The following SLC9B1 variants were observed in gnomAD, a reference collection of about 807,000 sequenced individuals.
SLC9B1 encodes the protein sodium/hydrogen exchanger 9B1.
A neutral mutation model predicts 51.7 loss-of-function variants in SLC9B1; 32 were observed. The ratio of observed to expected loss-of-function variants is 0.62; its 90% CI spans 0.47 to 0.83. The LOEUF (loss-of-function observed/expected upper bound fraction) is 0.83, where lower values mean the gene tolerates loss of function less well. SLC9B1 is among the 40% of genes least tolerant of loss of function. The pLI is 0.00. For synonymous variants in SLC9B1, 145 were observed against 212.7 expected (o/e 0.68, Z 2.77); for missense variants, 406 against 613.2 (o/e 0.66, Z 3.57).
intron 6 of SLC9B1, 87 bp downstream of exon 6, chr4:102,945,106 T>C: frequency 1.5e-6 from 2 of 1,303,184 alleles, no homozygotes; most frequent in South Asian, 2.4e-5. Flanking sequence ...ATAGAGCTTT[T>C]CTATACAACA....
At chr4:102,988,215 A>C (rs937167717) in intron 3 of SLC9B1, among the ~76,000 whole-genome samples, 4 of 152,160 alleles carry the variant, frequency 2.6e-5, no homozygotes, top group Non-Finnish European at 5.9e-5. Flanking sequence ...GAAAAGAAAC[A>C]AAAAGGAATA....
chr4:102,965,653 T>C (rs200326916), intron 3 of SLC9B1, among the ~76,000 whole-genome samples: 1 of 152,118 alleles, frequency 6.6e-6, no homozygotes, highest in African/African-American at 2.4e-5. Context: ...TCTTACACTA[T>C]AAAATGTAAT....
intron 3 of SLC9B1, among the ~76,000 whole-genome samples, chr4:102,955,843 G>GAGAAAGAA (rs56088004): frequency 0.023 from 2,482 of 106,774 alleles, 44 homozygotes; most frequent in Non-Finnish European, 0.033. Flanking sequence ...GAAAGAGAGA[G>GAGAAAGAA]AGAAAGAAAG....
At chr4:103,018,220 A>G (rs1242919200) in intron 1 of SLC9B1, among the ~76,000 whole-genome samples, 3 of 152,198 alleles carry the variant, frequency 2.0e-5, no homozygotes, top group Non-Finnish European at 2.9e-5. Flanking sequence ...TGTTACAACT[A>G]TAGCACCCAC....
At chr4:102,898,748 G>C (rs1734653938), downstream of SLC9B1, among the ~76,000 whole-genome samples, 3 of 152,182 alleles carry the variant, frequency 2.0e-5, no homozygotes, top group Admixed American at 2.0e-4. Context: ...ATTTTTTTGA[G>C]ACGGAGTCTC....
chr4:103,001,805 A>G (rs957427009), intron 1 of SLC9B1, among the ~76,000 whole-genome samples: 2 of 152,202 alleles, frequency 1.3e-5, no homozygotes, highest in Admixed American at 6.5e-5. Flanking sequence ...CACTCTTCAC[A>G]GTACCAATTT....
rs556674895 is a variant in SLC9B1, at chr4:103,006,618, G to C, written c.-2+12981C>G. Among the ~76,000 whole-genome samples the C allele has an allele frequency of 7.2e-5, 11 of 152,188 alleles. No homozygotes were observed. The South Asian group carries it at 2.3e-3, about 32-fold the overall frequency. ...GAAAATATTCCAAAAAATTGAAGAG[G>C]AAGAACTCCCCAAGTCATTCTATGA... On this transcript the variant is annotated intron_variant, in intron 1 of 11. Transcript: ENST00000296422.
At chr4:103,016,110 GACA>G (rs1484776162) in intron 1 of SLC9B1, among the ~76,000 whole-genome samples, 7 of 102,278 alleles carry the variant, frequency 6.8e-5, no homozygotes, top group Non-Finnish European at 3.6e-5. Context: ...CTGTAGCCTG[GACA>G]ACAAGAGCCA....
intron 3 of SLC9B1, among the ~76,000 whole-genome samples, chr4:102,983,311 T>C (rs1156757261): frequency 1.3e-5 from 2 of 152,196 alleles, no homozygotes; most frequent in African/African-American, 4.8e-5. Context: ...TTGTTAAGAA[T>C]TTTTGCATCT....
chr4:102,952,796 C>T (rs1272898007), intron 3 of SLC9B1, among the ~76,000 whole-genome samples: 98 of 66,564 alleles, frequency 1.5e-3, no homozygotes, highest in African/African-American at 6.7e-3. Context: ...TCATGTCCTT[C>T]GCCCACTTTT....
At chr4:102,942,126 G>A (rs369537002) in intron 6 of SLC9B1, among the ~76,000 whole-genome samples, 12 of 151,870 alleles carry the variant, frequency 7.9e-5, no homozygotes, top group Non-Finnish European at 1.5e-4. Context: ...CCAAGCAAAC[G>A]AACTTAGGAA....
In SLC9B1 at chr4:103,003,800, C is replaced by G. The variant is rs534009204; in HGVS notation, c.-1-12088G>C. 6.6e-5 allele frequency among the ~76,000 whole-genome samples: 10 copies of G among 152,250 alleles called. No individual in the cohort carries two copies. The East Asian group carries it at 1.9e-3, about 29-fold the overall frequency. ...GAGCTAGGGGCCTGGTTTCAGCCCC[C>G]CAGAGCTACAGCACACAGCTGAGGA... On this transcript the variant is annotated intron_variant, in intron 1 of 11. Transcript: ENST00000296422.
intron 11 of SLC9B1, 74 bp from the exon 12 acceptor site, chr4:102,901,406 T>C: frequency 6.4e-7 from 1 of 1,561,346 alleles, no homozygotes; most frequent in Non-Finnish European, 8.8e-7. Context: ...AATGGCTCTG[T>C]TAAAATAAAC....
chr4:103,004,599 A>G (rs1740688370), intron 1 of SLC9B1, among the ~76,000 whole-genome samples: 1 of 152,190 alleles, frequency 6.6e-6, no homozygotes, highest in Non-Finnish European at 1.5e-5. Context: ...GTGAGATACT[A>G]TACACAATGA....
At position 102,935,722 on chromosome 4, in the gene SLC9B1, T is replaced by C. The variant is rs1052833805; in HGVS notation, c.654-3423A>G. Among the ~76,000 whole-genome samples, 12 of 149,204 alleles carry C rather than the reference T, an allele frequency of 8.0e-5. No individual in the cohort carries two copies. In the South Asian group the frequency reaches 8.5e-4, roughly 11 times the overall value. ...ATGCACAAAATAATACTCTTTTTTT[T>C]CTCTGGGTTCACAAATACACTTGTT... On this transcript the variant is annotated intron_variant, in intron 6 of 11. Transcript: ENST00000296422.
chr4:102,922,082 C>G (rs7687707), intron 7 of SLC9B1, among the ~76,000 whole-genome samples: 83,196 of 152,018 alleles, frequency 0.55, 23,349 homozygotes, highest in African/African-American at 0.68. Context: ...CTACAGAACT[C>G]TCCACCCCAA....
At chr4:102,998,626 T>C (rs1288139373) in intron 1 of SLC9B1, among the ~76,000 whole-genome samples, 1 of 150,966 alleles carries the variant, frequency 6.6e-6, no homozygotes, top group East Asian at 1.9e-4. Context: ...TCACAGCAGG[T>C]ACATCATTTT....
At chr4:102,962,770 A>T (rs550018895) in intron 3 of SLC9B1, 25 of 474,920 alleles carry the variant, frequency 5.3e-5, no homozygotes, top group South Asian at 3.7e-4. Context: ...TTAAGGAGAA[A>T]TACTGTTACA....
intron 1 of SLC9B1, among the ~76,000 whole-genome samples, chr4:103,017,366 C>T (rs1400689830): frequency 6.6e-6 from 1 of 152,214 alleles, no homozygotes. Context: ...TCCTATCACT[C>T]CCTCCAACTC....
Sources: gnomAD v4.1 joint callset for allele counts (sites outside exome capture counted in the v4.1 genomes callset) on GRCh38, gnomAD v4.1.1 for gene constraint, MANE v1.5 for transcripts, NCBI Gene and HGNC (gene_info 2026-07-23, HGNC 2026-07-21) for gene names.